Variants in RAD50 observed in about 807,000 individuals in gnomAD.
RAD50 encodes DNA repair protein RAD50.
Under a neutral mutation model 168.8 loss-of-function variants are expected in RAD50, and 132 were observed. The ratio of observed to expected loss-of-function variants is 0.78; its 90% CI spans 0.68 to 0.90. RAD50 has a LOEUF of 0.90. Ranked by LOEUF, RAD50 falls within the 40% of genes least tolerant of loss-of-function variation. The pLI, the probability that RAD50 is intolerant of heterozygous loss-of-function variation, is 0.00. For synonymous variants in RAD50, 525 were observed against 497.4 expected (o/e 1.06, Z -0.74); for missense variants, 1,347 against 1,534.4 (o/e 0.88, Z 2.04).
At chr5:132,580,133 A>G (rs989812021) in intron 5 of RAD50, 67 bp downstream of exon 5, 1 of 1,349,162 alleles carries the variant, frequency 7.4e-7, no homozygotes, top group Non-Finnish European at 1.1e-6. Context: ...TGATGTTTTG[A>G]TATAAGTATA....
intron 2 of RAD50, among the ~76,000 whole-genome samples, chr5:132,573,997 T>C (rs1336310467): frequency 6.6e-6 from 1 of 152,204 alleles, no homozygotes; most frequent in Non-Finnish European, 1.5e-5. Context: ...TGGTGTTGAG[T>C]GCCTGCAGTT....
chr5:132,591,996 A>G lies in RAD50; in HGVS notation c.1755A>G (p.Lys585=), dbSNP rs786201598. The change falls in exon 11 of 25, where the codon AAA becomes AAG. Residue 585 remains lysine (K), a synonymous_variant. Coordinates refer to ENST00000378823, the MANE Select transcript of RAD50 (RefSeq NM_005732.4). Reference sequence around the variant, plus strand: ...AAGACTGGCTACATAGTAAATCAAAAGAAATTAATCAGACCAGGGACAGAC... The same window carrying G: ...AAGACTGGCTACATAGTAAATCAAAGGAAATTAATCAGACCAGGGACAGAC... ...QLEDWLHSKS[K]EINQTRDRLA... 4.3e-6 allele frequency: 7 copies of G among 1,613,292 alleles called. No individual in the cohort carries two copies. Among genetic ancestry groups the G allele is most frequent in the Non-Finnish European group, 5.9e-6 (7 of 1,179,412 alleles).
At chr5:132,607,965 A>C (rs1751014038) in intron 16 of RAD50, among the ~76,000 whole-genome samples, 1 of 152,244 alleles carries the variant, frequency 6.6e-6, no homozygotes, top group South Asian at 2.1e-4. Flanking sequence ...TTGTAGATTT[A>C]GTGTTACAAG....
chr5:132,603,608 T>C (rs919888721), intron 14 of RAD50, 119 bp downstream of exon 14: 1 of 1,161,738 alleles, frequency 8.6e-7, no homozygotes, highest in African/African-American at 1.5e-5. Flanking sequence ...GAATTCCCCA[T>C]CCTGAATTTC....
rs1424912754 is a variant in RAD50 at position 132,603,906 on chromosome 5, G to A, written c.2398-14G>A. ...TAAGTTTATTAAAGGAAATCATTTT[G>A]TTATATTCTTAAGATGGAACTTAAA... On this transcript the variant is annotated splice_polypyrimidine_tract_variant and intron_variant, in intron 14 of 24. Coordinates refer to ENST00000378823, the MANE Select transcript of RAD50 (RefSeq NM_005732.4). 8 of 1,576,194 alleles carry A rather than the reference G, an allele frequency of 5.1e-6. No homozygotes were observed. Among genetic ancestry groups the A allele is most frequent in the African/African-American group, 1.4e-5 (1 of 73,846 alleles).
chr5:132,603,614 A>G (rs1389882703), intron 14 of RAD50, 125 bp downstream of exon 14: 2 of 1,093,010 alleles, frequency 1.8e-6, no homozygotes, highest in African/African-American at 1.6e-5. Context: ...CCCATCCTGA[A>G]TTTCAGATAC....
chr5:132,640,924 C>T, intron 24 of RAD50, 119 bp downstream of exon 24: 2 of 1,541,090 alleles, frequency 1.3e-6, no homozygotes, highest in Non-Finnish European at 1.8e-6. Context: ...CTGTGTTCCC[C>T]ACTTCTTGGG....
chr5:132,602,577 T>C (rs1750907104), intron 13 of RAD50, among the ~76,000 whole-genome samples: 1 of 152,088 alleles, frequency 6.6e-6, no homozygotes. Flanking sequence ...AATTTTTATT[T>C]TGAAATAATG....
rs1554098194 is a variant in RAD50, at chr5:132,587,947, A to G, written c.909A>G (p.Gln303=). 6.2e-7 allele frequency: 1 copy of G among 1,613,334 alleles called. No individual in the cohort carries two copies. Among genetic ancestry groups the G allele is most frequent in the Non-Finnish European group, 8.5e-7 (1 of 1,179,478 alleles). The change falls in exon 7 of 25, where the codon CAA becomes CAG. Residue 303 remains glutamine, a synonymous_variant. Transcript: ENST00000378823. ...MEKVFQGTDE[Q]LNDLYHNHQR... ...AGGTTTTTCAAGGGACTGATGAGCA[A>G]CTAAATGACTTATATCACAATCACC...
At chr5:132,587,487 T>A in intron 5 of RAD50, 75 bp from the exon 6 acceptor site, 1 of 1,576,498 alleles carries the variant, frequency 6.3e-7, no homozygotes. Context: ...GGACCTGGAG[T>A]ATCTTACTTG....
At chr5:132,575,752 GT>G (rs747110604) in intron 2 of RAD50, 24 bp from the exon 3 acceptor site, 9 of 1,567,670 alleles carry the variant, frequency 5.7e-6, no homozygotes, top group Non-Finnish European at 7.9e-6. Flanking sequence ...AGTAACATAA[GT>G]TTTTTCTGTG....
intron 8 of RAD50, among the ~76,000 whole-genome samples, 191 bp from the exon 9 acceptor site, chr5:132,589,440 T>C (rs1459012169): frequency 1.3e-5 from 2 of 152,218 alleles, no homozygotes; most frequent in Non-Finnish European, 2.9e-5. Context: ...TGTAGGCTTA[T>C]GTAAATACAT....
chr5:132,637,680 G>A (rs902333027), intron 22 of RAD50, among the ~76,000 whole-genome samples: 3 of 151,914 alleles, frequency 2.0e-5, no homozygotes, highest in African/African-American at 7.3e-5. Flanking sequence ...TTACAGGTGC[G>A]CGCTCCCACA....
chr5:132,560,051 T>TAC (rs143575412), intron 2 of RAD50, among the ~76,000 whole-genome samples: 31,880 of 147,490 alleles, frequency 0.22, 3,414 homozygotes, highest in Non-Finnish European at 0.25. Flanking sequence ...GAAACAACAA[T>TAC]ACACACACAC....
rs532725532 is a variant in RAD50, at chr5:132,605,018, GT to G, written c.2718+25del. On this transcript the variant is annotated intron_variant, in intron 16 of 24. Transcript: ENST00000378823. The stretch of plus-strand genomic sequence containing the variant: ...GATAAAGGTAAGAATATCCATACAT[GT>G]TTTTTGTAAAATTATTTTAATTATT... The G allele has an allele frequency of 3.1e-4, 466 of 1,495,348 alleles. 4 individuals carry two copies. The South Asian group carries it at 5.8e-3, about 19-fold the overall frequency. 92.6% of individuals were successfully genotyped at this position (1,495,348 alleles called of 1,614,324 possible).
intron 21 of RAD50, among the ~76,000 whole-genome samples, chr5:132,625,950 G>A (rs2149857384): frequency 6.6e-6 from 1 of 151,204 alleles, no homozygotes; most frequent in African/African-American, 2.4e-5. Context: ...AGGCTGAAGT[G>A]CAGTGGTGTG....
chr5:132,608,447 T>C (rs1038240967), intron 16 of RAD50, among the ~76,000 whole-genome samples, 168 bp from the exon 17 acceptor site: 15 of 152,222 alleles, frequency 9.9e-5, no homozygotes, highest in African/African-American at 3.1e-4. Flanking sequence ...GTTTGAAATA[T>C]AGGACTGAAA....
intron 2 of RAD50, among the ~76,000 whole-genome samples, chr5:132,574,043 A>T (rs1346678283): frequency 2.0e-5 from 3 of 152,176 alleles, no homozygotes; most frequent in Non-Finnish European, 4.4e-5. Context: ...CAGTGGATCT[A>T]TTATTCTGGG....
intron 2 of RAD50, among the ~76,000 whole-genome samples, chr5:132,562,735 TC>T (rs1272663676): frequency 6.6e-6 from 1 of 152,082 alleles, no homozygotes; most frequent in African/African-American, 2.4e-5. Context: ...TACAGGTAGT[TC>T]CACATAGTTA....
Sources: allele counts gnomAD v4.1 joint callset (sites outside exome capture counted in the v4.1 genomes callset), GRCh38; gene constraint gnomAD v4.1.1; transcripts MANE v1.5; gene names NCBI Gene and HGNC (gene_info 2026-07-23, HGNC 2026-07-21).